Variants in CTNNA1 observed in about 807,000 individuals in gnomAD.
The protein encoded by CTNNA1 is catenin alpha-1.
In CTNNA1, 37 loss-of-function variants were observed where a neutral mutation model predicts 98.4. The observed-to-expected ratio is 0.38, with a 90% CI of 0.29 to 0.49. CTNNA1 has a LOEUF of 0.49. Ranked by LOEUF, CTNNA1 falls within the 20% of genes least tolerant of loss-of-function variation. CTNNA1 has a pLI of 0.95. For missense variants in CTNNA1, 761 were observed against 1,147.2 expected (o/e 0.66, Z 4.86); for synonymous variants, 404 against 413.2 (o/e 0.98, Z 0.27).
chr5:138,877,496 G>A (rs1206845385), intron 7 of CTNNA1, among the ~76,000 whole-genome samples: 3 of 150,084 alleles, frequency 2.0e-5, no homozygotes, highest in Non-Finnish European at 4.4e-5. Flanking sequence ...GCCGGACTGC[G>A]GACTGCAGTG....
At chr5:138,877,488 C>T (rs1016573297) in intron 7 of CTNNA1, among the ~76,000 whole-genome samples, 1 of 151,068 alleles carries the variant, frequency 6.6e-6, no homozygotes, top group Non-Finnish European at 1.5e-5. Context: ...TCGCCCAGGC[C>T]GGACTGCGGA....
At chr5:138,860,776 C>T (rs1039043342) in intron 7 of CTNNA1, among the ~76,000 whole-genome samples, 5 of 152,102 alleles carry the variant, frequency 3.3e-5, no homozygotes, top group Non-Finnish European at 5.9e-5. Flanking sequence ...AGTTTTAATA[C>T]GGTAATAAAA....
intron 7 of CTNNA1, among the ~76,000 whole-genome samples, chr5:138,877,090 C>T (rs1172028757): frequency 6.6e-6 from 1 of 152,154 alleles, no homozygotes; most frequent in African/African-American, 2.4e-5. Context: ...CCAAAGTTGC[C>T]AGTGAACAGA....
At chr5:138,915,987 T>C (rs1409102481) in intron 10 of CTNNA1, among the ~76,000 whole-genome samples, 2 of 152,094 alleles carry the variant, frequency 1.3e-5, no homozygotes, top group African/African-American at 2.4e-5. Flanking sequence ...AGAGGGAGGT[T>C]GCAGTGAGCT....
chr5:138,814,764 T>G (rs1000014476), intron 5 of CTNNA1, among the ~76,000 whole-genome samples: 1 of 152,028 alleles, frequency 6.6e-6, no homozygotes, highest in African/African-American at 2.4e-5. Flanking sequence ...TTTTTTTTGT[T>G]TTTTTTTGTG....
chr5:138,902,715 G>A (rs1267586191), intron 9 of CTNNA1, among the ~76,000 whole-genome samples: 3 of 152,114 alleles, frequency 2.0e-5, no homozygotes, highest in Non-Finnish European at 4.4e-5. Flanking sequence ...CACCGTGCCC[G>A]GTACACCAGC....
At chr5:138,769,427 C>T (rs186121899) in intron 1 of CTNNA1, among the ~76,000 whole-genome samples, 36 of 151,914 alleles carry the variant, frequency 2.4e-4, no homozygotes, top group African/African-American at 7.2e-4. Flanking sequence ...CTCACTGTGT[C>T]GCCTAGGCTA....
chr5:138,846,730 G>A (rs1372680083), intron 7 of CTNNA1, among the ~76,000 whole-genome samples: 1 of 152,030 alleles, frequency 6.6e-6, no homozygotes, highest in African/African-American at 2.4e-5. Context: ...TACAAATGTT[G>A]AATGAAGGAT....
intron 1 of CTNNA1, among the ~76,000 whole-genome samples, chr5:138,758,245 A>G (rs1471735166): frequency 6.6e-6 from 1 of 151,928 alleles, no homozygotes; most frequent in East Asian, 1.9e-4. Flanking sequence ...TCTGTCACCC[A>G]GGCTGGAGTG....
chr5:138,904,860 C>G (rs983265953), intron 10 of CTNNA1: 3 of 152,248 alleles, frequency 2.0e-5, no homozygotes, highest in Admixed American at 6.5e-5. Context: ...TTTGGGAGGC[C>G]GAGGCGGGCG....
At chr5:138,838,789 G>T (rs73263417) in intron 7 of CTNNA1, among the ~76,000 whole-genome samples, 1,953 of 151,786 alleles carry the variant, frequency 0.013, 43 homozygotes, top group African/African-American at 0.038. Context: ...TTATTTTTTT[G>T]TTGTTGTTTG....
chr5:138,931,625 A>AGTCTT (rs1765357053), intron 16 of CTNNA1: 3 of 985,316 alleles, frequency 3.0e-6, no homozygotes, highest in African/African-American at 3.5e-5. Context: ...GACACAAACC[A>AGTCTT]GTCTTGTCCT....
At chr5:138,859,936 C>G (rs971219002) in intron 7 of CTNNA1, among the ~76,000 whole-genome samples, 2 of 152,056 alleles carry the variant, frequency 1.3e-5, no homozygotes, top group Admixed American at 6.6e-5. Flanking sequence ...AGAAGTCTAA[C>G]CTTTCATAAG....
chr5:138,933,905 C>T lies in CTNNA1; in HGVS notation c.2537C>T (p.Ser846Leu). The T allele has an allele frequency of 6.2e-7, 1 of 1,614,202 alleles. No individual in the cohort carries two copies. The highest frequency in any genetic ancestry group is 8.5e-7 in the Non-Finnish European group (1 of 1,180,040). Residue 846 changes from serine to leucine, a missense_variant, in exon 18 of 18, where the codon TCA (serine) becomes TTA (leucine). This residue lies in a region of CTNNA1 where 57 missense variants were observed against 90.9 expected (regional missense o/e 0.63). Transcript: ENST00000302763. ...GTCGCCTCTACCAAATACCAAAAGTCACAGGGTATGGCTTCCCTCAACCTT... is the reference window on the plus strand; with the variant it reads ...GTCGCCTCTACCAAATACCAAAAGTTACAGGGTATGGCTTCCCTCAACCTT... ...SYVASTKYQK[S>L]QGMASLNLPA... is the part of the protein sequence containing the mutation.
At chr5:138,898,797 G>C (rs1757433703) in intron 9 of CTNNA1, among the ~76,000 whole-genome samples, 1 of 151,954 alleles carries the variant, frequency 6.6e-6, no homozygotes, top group Admixed American at 6.6e-5. Flanking sequence ...TGAAATTCTT[G>C]GTAGTTAAAT....
intron 11 of CTNNA1, among the ~76,000 whole-genome samples, chr5:138,924,281 TG>T (rs1174230475): frequency 4.4e-5 from 6 of 135,034 alleles, no homozygotes; most frequent in Non-Finnish European, 8.2e-5. Context: ...TTTTATTTTT[TG>T]TTTTTTTTTT....
chr5:138,820,730 G>A (rs948053790), intron 5 of CTNNA1, among the ~76,000 whole-genome samples: 10 of 101,162 alleles, frequency 9.9e-5, no homozygotes, highest in African/African-American at 2.7e-4. Flanking sequence ...TTTAGTCGTT[G>A]TTTTGGGTGT....
intron 7 of CTNNA1, among the ~76,000 whole-genome samples, chr5:138,849,020 C>G (rs1485571243): frequency 6.6e-6 from 1 of 152,186 alleles, no homozygotes; most frequent in Non-Finnish European, 1.5e-5. Context: ...CCTTGCCCTG[C>G]CTGGCATACT....
At chr5:138,768,567 T>G (rs955493813) in intron 1 of CTNNA1, among the ~76,000 whole-genome samples, 243 of 145,706 alleles carry the variant, frequency 1.7e-3, no homozygotes, top group African/African-American at 5.1e-3. Context: ...TGTTTTTTTT[T>G]TTTTTTTTTT....
Sources: allele counts gnomAD v4.1 joint callset (sites outside exome capture counted in the v4.1 genomes callset), GRCh38; gene constraint gnomAD v4.1.1; regional missense constraint gnomAD v4.1.1; transcripts MANE v1.5; gene names NCBI Gene and HGNC (gene_info 2026-07-23, HGNC 2026-07-21).